FRMD3: variants seen among roughly 807,000 people sequenced by gnomAD.
FRMD3 encodes FERM domain-containing protein 3.
A neutral mutation model predicts 70.2 loss-of-function variants in FRMD3; 33 were observed. That is an observed-to-expected ratio of 0.47 (90% CI 0.36 to 0.63). FRMD3 has a LOEUF of 0.63. Among genes scored for constraint, FRMD3 ranks in the 20% least tolerant of loss-of-function variants. The pLI, the probability that FRMD3 is intolerant of heterozygous loss-of-function variation, is 0.00. For synonymous variants in FRMD3, 279 were observed against 255.9 expected, an observed-to-expected ratio of 1.09 and a Z score of -0.86; for missense variants, 632 against 711.4, an observed-to-expected ratio of 0.89 and a Z score of 1.27.
At chr9:83,409,942 G>T (rs1339433179) in intron 1 of FRMD3, among the ~76,000 whole-genome samples, 3 of 152,164 alleles carry the variant, frequency 2.0e-5, no homozygotes, top group African/African-American at 7.2e-5. Context: ...GATCAAGTGT[G>T]AAACTGATGG....
chr9:83,496,264 T>C (rs1038215528), intron 1 of FRMD3, among the ~76,000 whole-genome samples: 1 of 152,224 alleles, frequency 6.6e-6, no homozygotes, highest in South Asian at 2.1e-4. Context: ...AGTATGAGAC[T>C]ATTGCAAAAA....
chr9:83,322,757 T>A (rs1344915264), intron 6 of FRMD3, among the ~76,000 whole-genome samples: 1 of 152,164 alleles, frequency 6.6e-6, no homozygotes, highest in Non-Finnish European at 1.5e-5. Flanking sequence ...CCCAGGAACC[T>A]CTCCTGACTA....
At chr9:83,337,016 T>G (rs1416177614) in intron 5 of FRMD3, among the ~76,000 whole-genome samples, 1 of 152,068 alleles carries the variant, frequency 6.6e-6, no homozygotes, top group African/African-American at 2.4e-5. Flanking sequence ...CACCTTTTGT[T>G]GTATAGGCCC....
At chr9:83,464,928 G>A (rs1828079890) in intron 1 of FRMD3, among the ~76,000 whole-genome samples, 1 of 151,954 alleles carries the variant, frequency 6.6e-6, no homozygotes. Flanking sequence ...GCTGAGGCAG[G>A]AGAATTGTTT....
intron 1 of FRMD3, among the ~76,000 whole-genome samples, chr9:83,529,991 G>C (rs1243944520): frequency 6.6e-6 from 1 of 152,174 alleles, no homozygotes; most frequent in Non-Finnish European, 1.5e-5. Context: ...ATAATAACAA[G>C]TATTGGAGAG....
At chr9:83,433,322 G>A (rs1380012518) in intron 1 of FRMD3, among the ~76,000 whole-genome samples, 2 of 152,180 alleles carry the variant, frequency 1.3e-5, no homozygotes, top group Admixed American at 6.5e-5. Context: ...GCATGCTCAG[G>A]GATCATAACG....
At position 83,247,646 on chromosome 9, in the gene FRMD3, T is replaced by C. The variant is rs1832171754; in HGVS notation, c.*272A>G. On this transcript the variant is annotated 3_prime_UTR_variant, in exon 14 of 14. Transcript: ENST00000304195. ...CAATGTAACATGTATTATGATATAA[T>C]AGATGAAGGGTATGTCTACACTATA... The C allele has an allele frequency of 2.7e-6, 3 of 1,117,472 alleles. No individual in the cohort carries two copies. Among genetic ancestry groups the C allele is most frequent in the Non-Finnish European group, 2.2e-6 (2 of 901,900 alleles). 69.2% of individuals were successfully genotyped at this position (1,117,472 alleles called of 1,614,324 possible).
chr9:83,298,743 C>T lies in FRMD3; in HGVS notation c.1070+5G>A. The T allele has an allele frequency of 6.2e-7, 1 of 1,613,630 alleles. No homozygotes were observed. The highest frequency in any genetic ancestry group is 8.5e-7 in the Non-Finnish European group (1 of 1,179,516). ...ACCTGGAACCCACAGTGATCATCCA[C>T]TCACCTGTGCACCTCAGGAGGCTCC... is the stretch of plus-strand genomic sequence containing the variant. On this transcript the variant is annotated splice_donor_5th_base_variant and intron_variant, in intron 12 of 13. Transcript: ENST00000304195.
chr9:83,548,615 G>A, the FRMD3 span, among the ~76,000 whole-genome samples: 2 of 152,136 alleles, frequency 1.3e-5, no homozygotes, highest in Non-Finnish European at 2.9e-5. Flanking sequence ...TTTCAGAATA[G>A]TGAAACTATT....
intron 1 of FRMD3, among the ~76,000 whole-genome samples, chr9:83,487,503 A>C (rs1437675180): frequency 6.6e-6 from 1 of 152,224 alleles, no homozygotes; most frequent in Non-Finnish European, 1.5e-5. Flanking sequence ...AGGTGGGATG[A>C]AATAACAGAT....
intron 1 of FRMD3, among the ~76,000 whole-genome samples, chr9:83,427,739 T>A (rs532324076): frequency 4.4e-4 from 64 of 145,640 alleles, no homozygotes; most frequent in Non-Finnish European, 2.6e-4. Flanking sequence ...GAAAAAAAAA[T>A]GAGCAAAAAG....
Position 83,253,061 on chromosome 9 carries a change from A to T in FRMD3, c.1196-4545T>A, listed in dbSNP as rs377492735. On this transcript the variant is annotated intron_variant, in intron 13 of 13. Coordinates refer to ENST00000304195, the MANE Select transcript of FRMD3 (RefSeq NM_174938.6). ...TCTACAGAAATCTCCACCTAAATTA[A>T]AAAGAAGATATATTCTTATTGCCAC... 1.5e-4 allele frequency among the ~76,000 whole-genome samples: 23 copies of T among 152,338 alleles called. No individual in the cohort carries two copies. The East Asian group carries it at 4.1e-3, about 27-fold the overall frequency.
rs1200857044 is a variant in FRMD3 at position 83,247,582 on chromosome 9, T to C, written c.*336A>G. The C allele has an allele frequency of 9.7e-7, 1 of 1,027,982 alleles. No individual in the cohort carries two copies. Among genetic ancestry groups the C allele is most frequent in the East Asian group, 8.7e-5 (1 of 11,502 alleles). The allele number at this position is 1,027,982 out of a possible 1,614,324, so 63.7% of individuals were successfully genotyped here. A position where few individuals can be genotyped will look rare whatever the true frequency, so the allele number is the denominator to read the frequency against. On this transcript the variant is annotated 3_prime_UTR_variant, in exon 14 of 14. Transcript: ENST00000304195. ...TGATTCTGAACCTTATAGCTTATAA[T>C]GGTGCCAACTATTAGAAATGGGAAA... is the stretch of plus-strand genomic sequence containing the variant.
chr9:83,460,373 C>T (rs563417247), intron 1 of FRMD3, among the ~76,000 whole-genome samples: 4 of 152,310 alleles, frequency 2.6e-5, no homozygotes, highest in African/African-American at 7.2e-5. Context: ...CTTCTGTTCT[C>T]AACCCTCTCC....
intron 1 of FRMD3, among the ~76,000 whole-genome samples, chr9:83,504,041 G>A (rs879367159): frequency 2.0e-5 from 3 of 152,146 alleles, no homozygotes; most frequent in Non-Finnish European, 4.4e-5. Context: ...GCTGCAGTTT[G>A]GGGTGTGCAC....
At chr9:83,352,268 A>G (rs531987341) in intron 3 of FRMD3, among the ~76,000 whole-genome samples, 2 of 152,352 alleles carry the variant, frequency 1.3e-5, no homozygotes, top group South Asian at 4.1e-4. Context: ...AAAATGTTTT[A>G]AAGAGAGCAG....
At chr9:83,573,876 G>T in the FRMD3 span, among the ~76,000 whole-genome samples, 1 of 151,994 alleles carries the variant, frequency 6.6e-6, no homozygotes, top group South Asian at 2.1e-4. Context: ...TTTTGGTCAA[G>T]TTTGGGTCAA....
intron 1 of FRMD3, among the ~76,000 whole-genome samples, chr9:83,456,125 A>G (rs549173153): frequency 6.6e-6 from 1 of 152,368 alleles, no homozygotes; most frequent in African/African-American, 2.4e-5. Context: ...GAAATATTCC[A>G]CATAGACAAG....
At chr9:83,330,882 C>T (rs17086156) in intron 6 of FRMD3, among the ~76,000 whole-genome samples, 14,706 of 152,170 alleles carry the variant, frequency 0.097, 831 homozygotes, top group East Asian at 0.22. Flanking sequence ...CCCAAAGATG[C>T]CTGTATAAAA....
Sources: allele counts gnomAD v4.1 joint callset (sites outside exome capture counted in the v4.1 genomes callset), GRCh38; gene constraint gnomAD v4.1.1; transcripts MANE v1.5; gene names NCBI Gene and HGNC (gene_info 2026-07-23, HGNC 2026-07-21).